The following SLC9B2 variants were observed in gnomAD, a reference collection of about 807,000 sequenced individuals.
SLC9B2 encodes the protein sodium/hydrogen exchanger 9B2.
A neutral mutation model predicts 52.2 loss-of-function variants in SLC9B2; 39 were observed. The observed-to-expected ratio is 0.75, with a 90% confidence interval of 0.58 to 0.98. The LOEUF is 0.98. Ranked by LOEUF, SLC9B2 falls within the 50% of genes least tolerant of loss-of-function variation. The pLI, the probability that SLC9B2 is intolerant of heterozygous loss-of-function variation, is 0.00. For missense variants in SLC9B2, 626 were observed against 637.5 expected (o/e 0.98, Z 0.19); for synonymous variants, 214 against 227.0 (o/e 0.94, Z 0.51).
At chr4:103,050,493 G>A in intron 4 of SLC9B2, 111 bp from the exon 5 acceptor site, 1 of 988,104 alleles carries the variant, frequency 1.0e-6, no homozygotes, top group East Asian at 3.3e-5. Context: ...CTTCACTTAT[G>A]CTTAGAAGAA....
At position 103,025,655 on chromosome 4, in the gene SLC9B2, A is replaced by G. The variant is rs1394398360; in HGVS notation, c.*715T>C. On this transcript the variant is annotated 3_prime_UTR_variant, in exon 12 of 12. Transcript: ENST00000394785. ...AGAGCCTAAAGATATGGGTCATAAG[A>G]AACAAAAAAAGGGCTGGATTAGGGC... 6.6e-6 allele frequency: 1 copy of G among 152,074 alleles called. No individual in the cohort carries two copies. Among genetic ancestry groups the G allele is most frequent in the African/African-American group, 2.4e-5 (1 of 41,392 alleles). 9.4% of individuals were successfully genotyped at this position (152,074 alleles called of 1,614,324 possible).
At chr4:103,045,291 A>T (rs1043177495) in intron 7 of SLC9B2, among the ~76,000 whole-genome samples, 2 of 152,146 alleles carry the variant, frequency 1.3e-5, no homozygotes, top group African/African-American at 4.8e-5. Context: ...AAATGTACTA[A>T]CTGGTTTCTG....
At chr4:103,055,517 G>A (rs1243165152) in intron 4 of SLC9B2, among the ~76,000 whole-genome samples, 8 of 152,098 alleles carry the variant, frequency 5.3e-5, no homozygotes, top group Admixed American at 2.0e-4. Flanking sequence ...GAAATACATT[G>A]AGAAATGGGG....
chr4:103,049,079 C>T, intron 5 of SLC9B2, 59 bp from the exon 6 acceptor site: 3 of 1,580,702 alleles, frequency 1.9e-6, no homozygotes, highest in Non-Finnish European at 1.7e-6. Flanking sequence ...GAGAAGATGA[C>T]CTTGAATGCT....
At chr4:103,027,290 G>A (rs1742308889) in intron 11 of SLC9B2, among the ~76,000 whole-genome samples, 2 of 152,076 alleles carry the variant, frequency 1.3e-5, no homozygotes, top group South Asian at 4.1e-4. Context: ...TAAAAAATAA[G>A]ATGAAAAACA....
intron 9 of SLC9B2, among the ~76,000 whole-genome samples, chr4:103,035,098 C>T (rs557520086): frequency 6.6e-6 from 1 of 152,104 alleles, no homozygotes; most frequent in African/African-American, 2.4e-5. Flanking sequence ...AAGCCCAGTA[C>T]CCATTAGTTA....
At chr4:103,060,787 A>C (rs1306456802) in intron 3 of SLC9B2, among the ~76,000 whole-genome samples, 1 of 152,222 alleles carries the variant, frequency 6.6e-6, no homozygotes, top group Non-Finnish European at 1.5e-5. Flanking sequence ...TTCCCATCCA[A>C]GACCATCTGA....
chr4:103,057,167 G>A (rs1227509834), intron 4 of SLC9B2, among the ~76,000 whole-genome samples: 1 of 151,456 alleles, frequency 6.6e-6, no homozygotes, highest in African/African-American at 2.4e-5. Context: ...GCATAGGTGA[G>A]GGGAAATAGA....
At chr4:103,074,393 G>C (rs1746930717) in intron 1 of SLC9B2, among the ~76,000 whole-genome samples, 3 of 152,296 alleles carry the variant, frequency 2.0e-5, no homozygotes, top group Admixed American at 6.5e-5. Context: ...TATAACAGGT[G>C]ATTTTGTTGC....
chr4:103,024,470 TAGA>T lies in SLC9B2; in HGVS notation c.*1897_*1899del, dbSNP rs1456048217. Among the ~76,000 whole-genome samples the T allele has an allele frequency of 6.6e-6, 1 of 152,174 alleles. No homozygotes were observed. The highest frequency in any genetic ancestry group is 1.9e-4 in the East Asian group (1 of 5,200). ...AGTTGACATAAAATTGAAGGCTATTTAGAAGAAGTGAATATTAAACTAGTTTTG... is the reference window on the plus strand; with the variant it reads ...AGTTGACATAAAATTGAAGGCTATTTAGAAGTGAATATTAAACTAGTTTTG... On this transcript the variant is annotated 3_prime_UTR_variant, in exon 12 of 12. Transcript: ENST00000394785.
chr4:103,066,577 C>T (rs1174690656), intron 2 of SLC9B2, 70 bp from the exon 3 acceptor site: 1 of 1,389,038 alleles, frequency 7.2e-7, no homozygotes, highest in Non-Finnish European at 9.7e-7. Context: ...GGTACTGCAT[C>T]ATCACCTTAC....
chr4:103,063,285 A>G (rs1396024397), intron 3 of SLC9B2, among the ~76,000 whole-genome samples: 2 of 152,228 alleles, frequency 1.3e-5, no homozygotes, highest in South Asian at 2.1e-4. Flanking sequence ...TTTTCTGTAC[A>G]TGTTCTAAGT....
intron 9 of SLC9B2, among the ~76,000 whole-genome samples, chr4:103,037,241 G>A (rs1274336568): frequency 3.3e-5 from 5 of 151,706 alleles, no homozygotes; most frequent in African/African-American, 1.2e-4. Context: ...TTATTTCAAT[G>A]TTTAATCTTC....
chr4:103,045,618 G>A (rs113882939), intron 7 of SLC9B2, among the ~76,000 whole-genome samples: 8 of 151,940 alleles, frequency 5.3e-5, no homozygotes, highest in Admixed American at 2.6e-4. Context: ...CGTAGTTGGT[G>A]GGGGGGTGGG....
intron 4 of SLC9B2, 100 bp downstream of exon 4, chr4:103,057,701 A>T: frequency 7.5e-7 from 1 of 1,326,484 alleles, no homozygotes; most frequent in Non-Finnish European, 1.0e-6. Context: ...AGCATGGCAA[A>T]TACAGAAATA....
chr4:103,042,167 C>T (rs1421047983), intron 9 of SLC9B2: 2 of 152,086 alleles, frequency 1.3e-5, no homozygotes, highest in African/African-American at 4.8e-5. Flanking sequence ...CAGAGATCCA[C>T]TTAATTGAGT....
At chr4:103,067,642 T>C in intron 1 of SLC9B2, 50 bp from the exon 2 acceptor site, 4 of 1,005,340 alleles carry the variant, frequency 4.0e-6, no homozygotes, top group Non-Finnish European at 4.6e-6. Context: ...AGTCTTGTGA[T>C]TTCAAAGACT....
chr4:103,054,859 A>G (rs1439260263), intron 4 of SLC9B2, among the ~76,000 whole-genome samples: 7 of 152,132 alleles, frequency 4.6e-5, no homozygotes, highest in Non-Finnish European at 1.0e-4. Context: ...AACTAGAAAT[A>G]CCATTTGACC....
intron 9 of SLC9B2, among the ~76,000 whole-genome samples, chr4:103,037,636 T>C (rs1189264260): frequency 6.6e-6 from 1 of 152,216 alleles, no homozygotes; most frequent in Non-Finnish European, 1.5e-5. Context: ...TTTCATCAGA[T>C]AACGAGTTAA....
Sources: gnomAD v4.1 joint callset for allele counts (sites outside exome capture counted in the v4.1 genomes callset) on GRCh38, gnomAD v4.1.1 for gene constraint, MANE v1.5 for transcripts, NCBI Gene and HGNC (gene_info 2026-07-23, HGNC 2026-07-21) for gene names.